COMMD10: variants seen among roughly 807,000 people sequenced by gnomAD.
COMMD10 encodes the protein COMM domain-containing protein 10.
A neutral mutation model predicts 28.9 loss-of-function variants in COMMD10; 33 were observed. That is an observed-to-expected ratio of 1.14 (90% CI 0.87 to 1.53). COMMD10 has a LOEUF of 1.53. Ranked by LOEUF, COMMD10 falls within the 40% of genes most tolerant of loss-of-function variation. The pLI is 0.00. For missense variants in COMMD10, 310 were observed against 233.4 expected, an observed-to-expected ratio of 1.33 and a Z score of -2.14; for synonymous variants, 110 against 81.7, an observed-to-expected ratio of 1.35 and a Z score of -1.87.
Position 116,134,127 on chromosome 5 carries a change from A to G in COMMD10, c.459A>G (p.Leu153=). Residue 153 remains leucine, a synonymous_variant, in exon 5 of 7, where the codon CTA becomes CTG. Transcript: ENST00000274458. The part of the protein sequence containing the change: ...LQMAHSAQAK[L]KSPQAVLQLG... ...TGGCTCACTCTGCTCAAGCAAAACTAAAATCTCCTCAAGCTGTGTTACAAC... is the reference window on the plus strand; with the variant it reads ...TGGCTCACTCTGCTCAAGCAAAACTGAAATCTCCTCAAGCTGTGTTACAAC... 6.2e-7 allele frequency: 1 copy of G among 1,612,700 alleles called. No individual in the cohort carries two copies.
intron 5 of COMMD10, among the ~76,000 whole-genome samples, chr5:116,273,063 A>C (rs1750801556): frequency 6.6e-6 from 1 of 151,804 alleles, no homozygotes; most frequent in African/African-American, 2.4e-5. Flanking sequence ...TTTCACCCAC[A>C]ATTCATCTTA....
At chr5:116,134,326 A>G (rs1751961454) in intron 5 of COMMD10, 148 bp downstream of exon 5, 1 of 549,488 alleles carries the variant, frequency 1.8e-6, no homozygotes, top group Non-Finnish European at 3.3e-6. Flanking sequence ...TGACAGAAAT[A>G]GCTTATCTTG....
chr5:116,229,428 C>T (rs1190919078), intron 5 of COMMD10, among the ~76,000 whole-genome samples: 1 of 151,944 alleles, frequency 6.6e-6, no homozygotes. Context: ...GGCAGAGAAG[C>T]AGGACAAAGC....
intron 4 of COMMD10, among the ~76,000 whole-genome samples, chr5:116,125,769 A>C (rs1751607370): frequency 6.6e-6 from 1 of 151,848 alleles, no homozygotes; most frequent in Non-Finnish European, 1.5e-5. Context: ...TTTTTTCTCT[A>C]AACTTCTCGC....
chr5:116,087,153 C>G (rs759023075), intron 1 of COMMD10, among the ~76,000 whole-genome samples: 2 of 152,174 alleles, frequency 1.3e-5, no homozygotes, highest in Non-Finnish European at 2.9e-5. Flanking sequence ...CCTCTCCTCC[C>G]ACCCCTTTCA....
chr5:116,192,975 A>C (rs929363746), intron 5 of COMMD10, among the ~76,000 whole-genome samples: 7 of 152,152 alleles, frequency 4.6e-5, no homozygotes, highest in Admixed American at 3.3e-4. Context: ...CTCAGCAGAA[A>C]CCCTATAAGC....
chr5:116,153,614 TGCAATTAATAA>T (rs57592547), intron 5 of COMMD10, among the ~76,000 whole-genome samples: 75,159 of 151,724 alleles, frequency 0.5, 21,593 homozygotes, highest in Non-Finnish European at 0.65. Flanking sequence ...ATTGGAGCTT[TGCAATTAATAA>T]GCAGTGAGTT....
intron 5 of COMMD10, among the ~76,000 whole-genome samples, chr5:116,138,735 G>A (rs771939384): frequency 6.6e-6 from 1 of 151,592 alleles, no homozygotes; most frequent in Non-Finnish European, 1.5e-5. Flanking sequence ...TTATGTAGAA[G>A]TAATTATGAT....
intron 4 of COMMD10, among the ~76,000 whole-genome samples, chr5:116,102,933 T>G (rs1236534472): frequency 6.6e-6 from 1 of 152,152 alleles, no homozygotes; most frequent in Non-Finnish European, 1.5e-5. Flanking sequence ...TTTTCTGTTC[T>G]TGTGTTAGTT....
chr5:116,277,808 A>C (rs1440764572), intron 5 of COMMD10, among the ~76,000 whole-genome samples: 1 of 151,910 alleles, frequency 6.6e-6, no homozygotes, highest in Non-Finnish European at 1.5e-5. Flanking sequence ...TTAAGCCTGC[A>C]CATGTTTTCA....
chr5:116,105,780 T>C (rs1750816061), intron 4 of COMMD10, among the ~76,000 whole-genome samples: 1 of 152,230 alleles, frequency 6.6e-6, no homozygotes, highest in Non-Finnish European at 1.5e-5. Flanking sequence ...TGGTAGTTTG[T>C]ATTTCTGTGG....
chr5:116,258,564 C>T (rs757579635), intron 5 of COMMD10, among the ~76,000 whole-genome samples: 24 of 151,552 alleles, frequency 1.6e-4, no homozygotes, highest in Non-Finnish European at 2.6e-4. Flanking sequence ...CACTTGATTG[C>T]TGATTAGACT....
At chr5:116,189,712 G>T (rs1023942912) in intron 5 of COMMD10, among the ~76,000 whole-genome samples, 18 of 139,490 alleles carry the variant, frequency 1.3e-4, no homozygotes, top group African/African-American at 5.7e-4. Flanking sequence ...ACTGTAAAGA[G>T]AATTTAAGAA....
chr5:116,267,826 C>T (rs1580598549), intron 5 of COMMD10, among the ~76,000 whole-genome samples: 2 of 151,934 alleles, frequency 1.3e-5, no homozygotes, highest in Non-Finnish European at 2.9e-5. Flanking sequence ...TTTGACAAAC[C>T]TGAGAAAAAC....
At chr5:116,281,872 C>G (rs1323752695) in intron 5 of COMMD10, among the ~76,000 whole-genome samples, 1 of 151,832 alleles carries the variant, frequency 6.6e-6, no homozygotes, top group South Asian at 2.1e-4. Flanking sequence ...TTCCTTATGG[C>G]TCAGCCTCAG....
At chr5:116,208,240 G>A (rs1561667761) in intron 5 of COMMD10, among the ~76,000 whole-genome samples, 1 of 152,164 alleles carries the variant, frequency 6.6e-6, no homozygotes, top group Non-Finnish European at 1.5e-5. Context: ...AAAGTGATTT[G>A]ACCAGCTGTA....
intron 5 of COMMD10, among the ~76,000 whole-genome samples, chr5:116,222,010 G>T (rs765234133): frequency 3.3e-5 from 5 of 152,184 alleles, no homozygotes; most frequent in African/African-American, 4.8e-5. Context: ...ACCAGGAGTG[G>T]ATGTGGGTAA....
At chr5:116,187,560 A>G (rs373664553) in intron 5 of COMMD10, among the ~76,000 whole-genome samples, 1 of 152,114 alleles carries the variant, frequency 6.6e-6, no homozygotes, top group East Asian at 1.9e-4. Flanking sequence ...GACTACTGCT[A>G]CAAAGTAGGT....
chr5:116,145,611 A>T (rs1752323180), intron 5 of COMMD10, among the ~76,000 whole-genome samples: 1 of 151,800 alleles, frequency 6.6e-6, no homozygotes, highest in African/African-American at 2.4e-5. Context: ...TGATGTGGTT[A>T]GGCTTTGTGT....
Sources: gnomAD v4.1 joint callset for allele counts (sites outside exome capture counted in the v4.1 genomes callset) on GRCh38, gnomAD v4.1.1 for gene constraint, MANE v1.5 for transcripts, NCBI Gene and HGNC (gene_info 2026-07-23, HGNC 2026-07-21) for gene names.